ZNF536: variants seen among roughly 807,000 people sequenced by gnomAD.
The protein encoded by ZNF536 is zinc finger protein 536.
In ZNF536, 13 loss-of-function variants were observed where a neutral mutation model predicts 84.5. That is an observed-to-expected ratio of 0.15 (90% CI 0.10 to 0.24). The LOEUF is 0.24. ZNF536 is among the 10% of genes least tolerant of loss of function. The pLI is 1.00. For missense variants in ZNF536, 1,536 were observed against 1,747.5 expected (o/e 0.88, Z 2.16); for synonymous variants, 811 against 742.5 (o/e 1.09, Z -1.50).
chr19:30,369,552 G>A (rs1396215410), upstream of ZNF536, among the ~76,000 whole-genome samples: 2 of 152,206 alleles, frequency 1.3e-5, no homozygotes, highest in East Asian at 3.9e-4. Context: ...GTTTTTGACT[G>A]GCTGTTGCTT....
At chr19:30,439,966 T>TA (rs1312982622) in intron 1 of ZNF536, among the ~76,000 whole-genome samples, 4 of 136,878 alleles carry the variant, frequency 2.9e-5, no homozygotes, top group Non-Finnish European at 4.8e-5. Context: ...TTTCTTTTTT[T>TA]TTTTTTTTTT....
chr19:30,385,336 C>G (rs1485573061), intron 1 of ZNF536, among the ~76,000 whole-genome samples: 1 of 152,118 alleles, frequency 6.6e-6, no homozygotes, highest in Non-Finnish European at 1.5e-5. Context: ...GAAGCGGGAC[C>G]AGGGGCCACC....
At chr19:30,240,301 A>G (rs2023845943) in intron 1 of ZNF536, among the ~76,000 whole-genome samples, 1 of 151,828 alleles carries the variant, frequency 6.6e-6, no homozygotes, top group Non-Finnish European at 1.5e-5. Flanking sequence ...CAAACCCGGG[A>G]GGCAGAGGTT....
intron 1 of ZNF536, among the ~76,000 whole-genome samples, chr19:30,701,381 A>G (rs1351746970): frequency 6.6e-6 from 1 of 151,794 alleles, no homozygotes; most frequent in East Asian, 1.9e-4. Flanking sequence ...ACAAACACAA[A>G]CACACAGACA....
At chr19:30,630,426 T>C (rs1473058907) in intron 1 of ZNF536, among the ~76,000 whole-genome samples, 1 of 151,918 alleles carries the variant, frequency 6.6e-6, no homozygotes, top group Non-Finnish European at 1.5e-5. Flanking sequence ...TGTGTGTGTG[T>C]GTGTTTGTGT....
At chr19:30,273,208 A>AC (rs2025949529) in intron 1 of ZNF536, among the ~76,000 whole-genome samples, 1 of 137,240 alleles carries the variant, frequency 7.3e-6, no homozygotes, top group South Asian at 2.3e-4. Flanking sequence ...GGCCATGCAG[A>AC]TTGTGTGTGT....
rs1326307838 is a variant in ZNF536, at chr19:30,445,011, G to A, written c.1449G>A (p.Gly483=). The A allele has an allele frequency of 1.2e-6, 2 of 1,611,722 alleles. No individual in the cohort carries two copies. Among genetic ancestry groups the A allele is most frequent in the Non-Finnish European group, 8.5e-7 (1 of 1,178,896 alleles). ...GCATGGCCCACGGCGTCCCGGAGGG[G>A]GACAAGCACTCCCTCCTGGGATGCC... The part of the protein sequence containing the change: ...ISSMAHGVPE[G]DKHSLLGCLN... The change falls in exon 2 of 5, where the codon GGG becomes GGA. Residue 483 remains glycine (G), a synonymous_variant. Transcript: ENST00000355537. This position sits in a 1 kb window ranked among gnomAD's most constrained non-coding sequence, Gnocchi z 4.5.
At chr19:30,267,939 C>G (rs1599960456) in intron 1 of ZNF536, among the ~76,000 whole-genome samples, 1 of 151,752 alleles carries the variant, frequency 6.6e-6, no homozygotes, top group Non-Finnish European at 1.5e-5. Flanking sequence ...CGGAATACAG[C>G]TTATTTGTTT....
intron 1 of ZNF536, among the ~76,000 whole-genome samples, chr19:30,584,834 G>A (rs373356587): frequency 2.0e-5 from 3 of 152,258 alleles, no homozygotes; most frequent in African/African-American, 7.2e-5. Context: ...GGTGGCTCAC[G>A]CCTGCAATCC....
At chr19:30,246,040 T>G (rs947977284) in intron 1 of ZNF536, among the ~76,000 whole-genome samples, 1 of 152,178 alleles carries the variant, frequency 6.6e-6, no homozygotes, top group African/African-American at 2.4e-5. Context: ...AGAGGCGTCG[T>G]GGAGACGAGA....
chr19:30,421,026 G>A (rs2050935220), intron 1 of ZNF536, among the ~76,000 whole-genome samples: 3 of 152,090 alleles, frequency 2.0e-5, no homozygotes, highest in African/African-American at 7.2e-5. Flanking sequence ...TCTTTCCCGT[G>A]GCTTTGAGGG....
At chr19:30,331,964 A>G (rs1002728641) in intron 2 of ZNF536, among the ~76,000 whole-genome samples, 4 of 152,114 alleles carry the variant, frequency 2.6e-5, no homozygotes, top group African/African-American at 9.7e-5. Context: ...TGTCTCATGC[A>G]CCTGATGAAT....
chr19:30,244,181 T>C (rs2072106509), intron 1 of ZNF536, among the ~76,000 whole-genome samples: 1 of 152,196 alleles, frequency 6.6e-6, no homozygotes, highest in Admixed American at 6.5e-5. Context: ...GGCCACGTGA[T>C]AGATGTGATT....
intron 1 of ZNF536, among the ~76,000 whole-genome samples, chr19:30,399,943 C>T (rs185397264): frequency 1.3e-5 from 2 of 152,316 alleles, no homozygotes; most frequent in African/African-American, 4.8e-5. Context: ...CTTCCTAGGC[C>T]TCCCAAACTG....
In ZNF536 at chr19:30,345,924, T is replaced by G. The variant is rs935836314; in HGVS notation, c.-119-6444T>G. ...ACCGGGAGGCATCAGTCGGGAGGGC[T>G]GGAGAGTGTCTCATTCAAACTCCCG... On this transcript the variant is annotated intron_variant, in intron 2 of 5. Transcript: ENST00000585628. 2.6e-5 allele frequency among the ~76,000 whole-genome samples: 4 copies of G among 152,244 alleles called. No individual in the cohort carries two copies. The South Asian group carries it at 8.3e-4, about 32-fold the overall frequency.
chr19:30,562,932 T>G (rs1056626426), downstream of ZNF536, among the ~76,000 whole-genome samples: 1 of 152,218 alleles, frequency 6.6e-6, no homozygotes, highest in Non-Finnish European at 1.5e-5. Context: ...GAAAGCTTTT[T>G]GCTTTCAATT....
chr19:30,659,150 C>A (rs2050025188), intron 1 of ZNF536, among the ~76,000 whole-genome samples: 1 of 152,172 alleles, frequency 6.6e-6, no homozygotes, highest in Non-Finnish European at 1.5e-5. Context: ...ATACCTGAGA[C>A]TGGGTAATTT....
At chr19:30,443,493 C>CCAATG (rs1568432366) in intron 1 of ZNF536, 68 bp from the exon 2 acceptor site, 1 of 1,492,902 alleles carries the variant, frequency 6.7e-7, no homozygotes, top group Non-Finnish European at 8.9e-7. Flanking sequence ...TCCCTGCCCG[C>CCAATG]CAATGCTGTT....
At chr19:30,244,770 G>A (rs1431636849) in intron 1 of ZNF536, among the ~76,000 whole-genome samples, 2 of 152,220 alleles carry the variant, frequency 1.3e-5, no homozygotes, top group African/African-American at 4.8e-5. Flanking sequence ...CAGGATCGGG[G>A]TGGCGATGTG....
Sources: allele counts gnomAD v4.1 joint callset (sites outside exome capture counted in the v4.1 genomes callset), GRCh38; gene constraint gnomAD v4.1.1; non-coding constraint Gnocchi (gnomAD v3.1); transcripts MANE v1.5; gene names NCBI Gene and HGNC (gene_info 2026-07-23, HGNC 2026-07-21).